Variants in CTNNBL1 observed in about 807,000 individuals in gnomAD.
CTNNBL1 encodes the protein catenin beta like 1, also known as beta-catenin-like protein 1.
A neutral mutation model predicts 72.7 loss-of-function variants in CTNNBL1; 31 were observed. The observed-to-expected ratio is 0.43, with a 90% CI of 0.32 to 0.58. CTNNBL1 has a LOEUF of 0.58. CTNNBL1 is among the 20% of genes least tolerant of loss of function. CTNNBL1 has a pLI of 0.08. For missense variants in CTNNBL1, 534 were observed against 725.1 expected, an observed-to-expected ratio of 0.74 and a Z score of 3.03; for synonymous variants, 240 against 267.3, an observed-to-expected ratio of 0.90 and a Z score of 1.00.
intron 7 of CTNNBL1, among the ~76,000 whole-genome samples, chr20:37,772,933 A>G (rs2073538720): frequency 6.6e-6 from 1 of 152,206 alleles, no homozygotes. Context: ...TATTCTTATG[A>G]GGATAAAAAC....
intron 11 of CTNNBL1, among the ~76,000 whole-genome samples, chr20:37,813,307 C>A (rs1005031528): frequency 6.6e-6 from 1 of 152,180 alleles, no homozygotes; most frequent in Non-Finnish European, 1.5e-5. Flanking sequence ...TAGTTAATCT[C>A]TGGACAGTGT....
At chr20:37,802,831 A>G (rs758134258) in intron 10 of CTNNBL1, 36 bp from the exon 11 acceptor site, 1 of 1,545,616 alleles carries the variant, frequency 6.5e-7, no homozygotes, top group Admixed American at 1.9e-5. Context: ...TAATTTCCCC[A>G]TGAAATACCT....
At chr20:37,724,279 CCT>C (rs1189246319) in intron 1 of CTNNBL1, among the ~76,000 whole-genome samples, 1 of 152,088 alleles carries the variant, frequency 6.6e-6, no homozygotes, top group African/African-American at 2.4e-5. Context: ...TCTGTTGCCC[CCT>C]GTCTGACCTT....
At chr20:37,775,764 A>G (rs2073568014) in intron 7 of CTNNBL1, among the ~76,000 whole-genome samples, 1 of 152,112 alleles carries the variant, frequency 6.6e-6, no homozygotes, top group African/African-American at 2.4e-5. Context: ...AACTCCCCCC[A>G]ACTTGAAAAC....
At chr20:37,863,438 T>G (rs1331542806) in intron 15 of CTNNBL1, among the ~76,000 whole-genome samples, 1 of 152,128 alleles carries the variant, frequency 6.6e-6, no homozygotes, top group Non-Finnish European at 1.5e-5. Context: ...CGTCAAGTTG[T>G]GAACAGTGTG....
chr20:37,813,152 A>G (rs1023059139), intron 11 of CTNNBL1, among the ~76,000 whole-genome samples: 3 of 152,206 alleles, frequency 2.0e-5, no homozygotes, highest in Admixed American at 6.5e-5. Context: ...CATAAAGTCA[A>G]TGGATCTGTA....
At chr20:37,782,863 T>A (rs1461027003) in intron 10 of CTNNBL1, among the ~76,000 whole-genome samples, 1 of 152,176 alleles carries the variant, frequency 6.6e-6, no homozygotes, top group Non-Finnish European at 1.5e-5. Context: ...TGTCCAAAGA[T>A]ACTTAAATGT....
At chr20:37,777,555 G>A in intron 8 of CTNNBL1, 99 bp from the exon 9 acceptor site, 1 of 1,398,202 alleles carries the variant, frequency 7.2e-7, no homozygotes, top group Non-Finnish European at 1.0e-6. Context: ...ACTCTGTCAA[G>A]CTGTATTGAT....
chr20:37,702,708 A>G (rs1160590686), intron 1 of CTNNBL1, among the ~76,000 whole-genome samples: 3 of 151,896 alleles, frequency 2.0e-5, no homozygotes, highest in Admixed American at 6.6e-5. Flanking sequence ...TCTTCTCATC[A>G]TCTCTTTCTT....
intron 4 of CTNNBL1, among the ~76,000 whole-genome samples, chr20:37,748,633 CA>C (rs1452240562): frequency 6.6e-6 from 1 of 152,186 alleles, no homozygotes; most frequent in Non-Finnish European, 1.5e-5. Context: ...TTATAAACAA[CA>C]AAAATTTATT....
intron 10 of CTNNBL1, among the ~76,000 whole-genome samples, chr20:37,780,152 A>T (rs78254013): frequency 7.0e-5 from 10 of 142,610 alleles, no homozygotes; most frequent in African/African-American, 1.3e-4. Context: ...GTTGAGATTT[A>T]AAAAAAAAAA....
chr20:37,768,087 C>T, intron 7 of CTNNBL1, 43 bp downstream of exon 7: 1 of 1,513,936 alleles, frequency 6.6e-7, no homozygotes. Flanking sequence ...CCTGTCTTTG[C>T]TCTGGGCTTG....
At chr20:37,817,288 A>T (rs1398885607) in intron 11 of CTNNBL1, among the ~76,000 whole-genome samples, 3 of 152,210 alleles carry the variant, frequency 2.0e-5, no homozygotes, top group Non-Finnish European at 2.9e-5. Context: ...AACTAGAAAG[A>T]TTTTTAATTC....
Position 37,810,347 on chromosome 20 carries a change from G to A in CTNNBL1, c.1213+7299G>A, listed in dbSNP as rs138038263. 4.2e-3 allele frequency among the ~76,000 whole-genome samples: 642 copies of A among 152,252 alleles called. 2 individuals carry two copies. Among genetic ancestry groups the A allele is most frequent in the African/African-American group, 0.015 (612 of 41,538 alleles). On this transcript the variant is annotated intron_variant, in intron 11 of 15. Coordinates refer to ENST00000361383, the MANE Select transcript of CTNNBL1 (RefSeq NM_030877.5). Reference sequence around the variant, plus strand: ...AGCCTTGCTTTATAACAACCTTCTCGCAGTAACTAATCTAGTCCAGCAAGA... The same window carrying A: ...AGCCTTGCTTTATAACAACCTTCTCACAGTAACTAATCTAGTCCAGCAAGA...
intron 2 of CTNNBL1, 149 bp downstream of exon 2, chr20:37,733,216 G>A: frequency 2.9e-6 from 2 of 686,128 alleles, no homozygotes; most frequent in Admixed American, 2.8e-5. Flanking sequence ...TGAAGGTTAA[G>A]TGGGCTAGTG....
At chr20:37,699,564 G>A (rs2072822544) in intron 1 of CTNNBL1, among the ~76,000 whole-genome samples, 1 of 152,228 alleles carries the variant, frequency 6.6e-6, no homozygotes. Flanking sequence ...TAAAGTTGAA[G>A]TATAGTCCAC....
At chr20:37,871,278 C>A (rs1184605474) in intron 15 of CTNNBL1, among the ~76,000 whole-genome samples, 1 of 152,274 alleles carries the variant, frequency 6.6e-6, no homozygotes, top group East Asian at 1.9e-4. Flanking sequence ...CAGTGCCTGC[C>A]CAGCTGGTGT....
At chr20:37,695,864 A>C (rs1286737372) in intron 1 of CTNNBL1, among the ~76,000 whole-genome samples, 1 of 152,178 alleles carries the variant, frequency 6.6e-6, no homozygotes, top group Non-Finnish European at 1.5e-5. Flanking sequence ...ATTAGCAGTT[A>C]TTTTCATACC....
chr20:37,860,123 A>C (rs1050070960), intron 14 of CTNNBL1, 87 bp downstream of exon 14: 1 of 1,538,432 alleles, frequency 6.5e-7, no homozygotes, highest in Non-Finnish European at 8.9e-7. Flanking sequence ...CAGGGAAAGA[A>C]GGGGGTCACG....
Sources: allele counts gnomAD v4.1 joint callset (sites outside exome capture counted in the v4.1 genomes callset), GRCh38; gene constraint gnomAD v4.1.1; transcripts MANE v1.5; gene names NCBI Gene and HGNC (gene_info 2026-07-23, HGNC 2026-07-21).